Variants in HCN1 observed in about 807,000 individuals in gnomAD.
The protein encoded by HCN1 is potassium/sodium hyperpolarization-activated cyclic nucleotide-gated channel 1.
A neutral mutation model predicts 78.9 loss-of-function variants in HCN1; 13 were observed. That is an observed-to-expected ratio of 0.16 (90% CI 0.11 to 0.26). The LOEUF is 0.26. Among genes scored for constraint, HCN1 ranks in the 10% least tolerant of loss-of-function variants. The pLI is 1.00. For synonymous variants in HCN1, 552 were observed against 455.5 expected, an observed-to-expected ratio of 1.21 and a Z score of -2.70; for missense variants, 810 against 1,154.3, an observed-to-expected ratio of 0.70 and a Z score of 4.32.
intron 2 of HCN1, among the ~76,000 whole-genome samples, chr5:45,517,644 C>G (rs987956513): frequency 1.3e-5 from 2 of 151,338 alleles, no homozygotes; most frequent in African/African-American, 2.4e-5. Context: ...GTCAAAATAT[C>G]GGCTTTGAGC....
intron 1 of HCN1, among the ~76,000 whole-genome samples, chr5:45,695,447 G>C (rs1345660031): frequency 2.0e-5 from 3 of 152,124 alleles, no homozygotes; most frequent in Admixed American, 2.0e-4. Context: ...AGGAGAGCCC[G>C]TCCGGGATTC....
intron 2 of HCN1, among the ~76,000 whole-genome samples, chr5:45,593,419 A>G (rs1245395739): frequency 6.6e-6 from 1 of 151,536 alleles, no homozygotes; most frequent in African/African-American, 2.4e-5. Context: ...ATATTAGGAA[A>G]CTACAAATTG....
chr5:45,349,032 A>G (rs889792560), intron 5 of HCN1, among the ~76,000 whole-genome samples: 10 of 152,230 alleles, frequency 6.6e-5, no homozygotes, highest in African/African-American at 2.2e-4. Flanking sequence ...CCTAATAGAC[A>G]TCTACAGAAC....
intron 4 of HCN1, among the ~76,000 whole-genome samples, chr5:45,363,482 C>T (rs998015803): frequency 3.3e-5 from 5 of 151,912 alleles, no homozygotes; most frequent in Non-Finnish European, 4.4e-5. Context: ...TCATTCTACA[C>T]AGTTCCTCAG....
At chr5:45,450,110 C>G (rs898711799) in intron 3 of HCN1, among the ~76,000 whole-genome samples, 6 of 152,190 alleles carry the variant, frequency 3.9e-5, no homozygotes, top group African/African-American at 1.4e-4. Context: ...GGATTACAGG[C>G]GTGAGCCACC....
intron 4 of HCN1, among the ~76,000 whole-genome samples, chr5:45,373,629 CGGT>C (rs1561129695): frequency 3.8e-5 from 5 of 132,250 alleles, no homozygotes; most frequent in African/African-American, 1.4e-4. Context: ...ATATTACATA[CGGT>C]ATATACGTCA....
chr5:45,528,474 G>C lies in HCN1; in HGVS notation c.850-66467C>G, dbSNP rs185751234. On this transcript the variant is annotated intron_variant, in intron 2 of 7. Coordinates refer to ENST00000303230, the MANE Select transcript of HCN1 (RefSeq NM_021072.4). ...ACATATTTTGATTAATATCGCTTCT[G>C]ACAAAGAATTTTTCATTTTGATTTT... 3.2e-4 allele frequency among the ~76,000 whole-genome samples: 49 copies of C among 151,966 alleles called. 1 individual carries two copies. In the East Asian group the frequency reaches 7.4e-3, roughly 23 times the overall value.
At chr5:45,614,973 A>G (rs1232534337) in intron 2 of HCN1, among the ~76,000 whole-genome samples, 1 of 148,500 alleles carries the variant, frequency 6.7e-6, no homozygotes, top group Non-Finnish European at 1.5e-5. Flanking sequence ...ACCACAGAGA[A>G]AAAAAAAAAA....
At chr5:45,585,493 G>A (rs1744195376) in intron 2 of HCN1, among the ~76,000 whole-genome samples, 2 of 152,098 alleles carry the variant, frequency 1.3e-5, no homozygotes, top group South Asian at 4.1e-4. Context: ...TTAGCTCAGA[G>A]TAGTTTGATC....
intron 2 of HCN1, among the ~76,000 whole-genome samples, chr5:45,548,214 T>TAA (rs887725288): frequency 6.6e-6 from 1 of 151,634 alleles, no homozygotes; most frequent in East Asian, 1.9e-4. Context: ...CTTATAAACT[T>TAA]AAAAAAAACA....
intron 3 of HCN1, among the ~76,000 whole-genome samples, chr5:45,449,797 C>T (rs1044260921): frequency 6.6e-6 from 1 of 152,084 alleles, no homozygotes; most frequent in Non-Finnish European, 1.5e-5. Context: ...TTCTGCCATA[C>T]CTATGCATAA....
chr5:45,414,415 G>T lies in HCN1; in HGVS notation c.1012-17705C>A, dbSNP rs562146351. Among the ~76,000 whole-genome samples the T allele has an allele frequency of 3.9e-5, 6 of 152,066 alleles. No homozygotes were observed. In the South Asian group the frequency reaches 1.2e-3, roughly 32 times the overall value. On this transcript the variant is annotated intron_variant, in intron 3 of 7. Coordinates refer to ENST00000303230, the MANE Select transcript of HCN1 (RefSeq NM_021072.4). ...GACTTCTCATCTTATCTATATGGAG[G>T]CATTTGTCTCTACTCAGCTTTACAC...
intron 6 of HCN1, among the ~76,000 whole-genome samples, chr5:45,292,939 A>G (rs1040752426): frequency 2.0e-5 from 3 of 152,038 alleles, no homozygotes; most frequent in Non-Finnish European, 4.4e-5. Flanking sequence ...TGATAAAGTA[A>G]TATTTTAAAT....
chr5:45,350,950 C>G (rs1193432560), intron 5 of HCN1, among the ~76,000 whole-genome samples: 5 of 152,064 alleles, frequency 3.3e-5, no homozygotes, highest in African/African-American at 1.2e-4. Flanking sequence ...GCCATACTGC[C>G]CAAGGTAATT....
At chr5:45,494,674 C>A (rs1329075495) in intron 2 of HCN1, among the ~76,000 whole-genome samples, 1 of 151,906 alleles carries the variant, frequency 6.6e-6, no homozygotes, top group Non-Finnish European at 1.5e-5. Context: ...AGTCCTTGCC[C>A]ATGCCTATGT....
At chr5:45,353,343 C>A in intron 4 of HCN1, 97 bp from the exon 5 acceptor site, 1 of 891,660 alleles carries the variant, frequency 1.1e-6, no homozygotes, top group South Asian at 1.5e-5. Flanking sequence ...TATTTGAATA[C>A]TCAGTTACAA....
chr5:45,617,437 C>T (rs1180456097), intron 2 of HCN1: 3 of 152,010 alleles, frequency 2.0e-5, no homozygotes, highest in Admixed American at 2.0e-4. Flanking sequence ...GAGTGGTGAC[C>T]ATGGGTTAAG....
chr5:45,448,220 C>T (rs1310457619), intron 3 of HCN1, among the ~76,000 whole-genome samples: 1 of 152,056 alleles, frequency 6.6e-6, no homozygotes, highest in Non-Finnish European at 1.5e-5. Context: ...TGCAATCAGT[C>T]CATCATTTTT....
intron 5 of HCN1, among the ~76,000 whole-genome samples, chr5:45,344,749 G>A (rs965690409): frequency 1.3e-5 from 2 of 152,170 alleles, no homozygotes; most frequent in Non-Finnish European, 1.5e-5. Context: ...CTATCCCTGT[G>A]GTTTTGCAGG....
Sources: allele counts gnomAD v4.1 joint callset (sites outside exome capture counted in the v4.1 genomes callset), GRCh38; gene constraint gnomAD v4.1.1; transcripts MANE v1.5; gene names NCBI Gene and HGNC (gene_info 2026-07-23, HGNC 2026-07-21).